The following TRIM29 variants were observed in gnomAD, a reference collection of about 807,000 sequenced individuals.
The protein encoded by TRIM29 is tripartite motif-containing protein 29.
TRIM29 carries 52 observed loss-of-function variants against 57.3 expected under a neutral mutation model. The observed-to-expected ratio is 0.91, with a 90% CI of 0.73 to 1.14. The LOEUF (loss-of-function observed/expected upper bound fraction) is 1.14, where lower values mean the gene tolerates loss of function less well. TRIM29 is among the 50% of genes most tolerant of loss of function. The pLI is 0.00. For missense variants in TRIM29, 753 were observed against 774.6 expected (o/e 0.97, Z 0.33); for synonymous variants, 319 against 316.9 (o/e 1.01, Z -0.07).
chr11:120,111,398 G>A lies in TRIM29; in HGVS notation c.*1016C>T, dbSNP rs1307057379. The stretch of plus-strand genomic sequence containing the variant: ...GCCCCCATAGGCCTGGGGCTGTTGA[G>A]ACGGGAGATGTCCCCACTGTGCTGC... On this transcript the variant is annotated 3_prime_UTR_variant, in exon 9 of 9. Coordinates refer to ENST00000341846, the MANE Select transcript of TRIM29 (RefSeq NM_012101.4). 6.6e-6 allele frequency: 1 copy of A among 152,364 alleles called. No homozygotes were observed. The highest frequency in any genetic ancestry group is 1.5e-5 in the Non-Finnish European group (1 of 68,078). The allele number at this position is 152,364 out of a possible 1,614,324, so 9.4% of individuals were successfully genotyped here. A position where few individuals can be genotyped will look rare whatever the true frequency, so the allele number is the denominator to read the frequency against.
At position 120,137,663 on chromosome 11, in the gene TRIM29, T is replaced by G; in HGVS notation, c.369A>C (p.Glu123Asp). The change falls in exon 1 of 9, where the codon GAA becomes GAC. Residue 123 changes from glutamate (E) to aspartate (D), a missense_variant. By Grantham distance (45) the Glu-to-Asp change is conservative. Coordinates refer to ENST00000341846, the MANE Select transcript of TRIM29 (RefSeq NM_012101.4). This position sits in a 1 kb window ranked among gnomAD's most constrained non-coding sequence, Gnocchi z 6.2. Reference protein sequence around the residue: ...AAKKPPVTFAEKGELRKSIFS... With the variant: ...AAKKPPVTFADKGELRKSIFS... The stretch of plus-strand genomic sequence containing the variant: ...AAATGGACTTGCGCAGCTCGCCCTT[T>G]TCGGCAAAGGTAACGGGTGGCTTCT... 6.2e-7 allele frequency: 1 copy of G among 1,613,688 alleles called. No homozygotes were observed. Among genetic ancestry groups the G allele is most frequent in the Non-Finnish European group, 8.5e-7 (1 of 1,179,988 alleles).
At position 120,137,223 on chromosome 11, in the gene TRIM29, C is replaced by T. The variant is rs774183937; in HGVS notation, c.804+5G>A. 10 of 1,613,742 alleles carry T rather than the reference C, an allele frequency of 6.2e-6. 1 individual carries two copies. In the South Asian group the frequency reaches 7.7e-5, roughly 12 times the overall value. On this transcript the variant is annotated splice_donor_5th_base_variant and intron_variant, in intron 1 of 8. Transcript: ENST00000341846. This position sits in a 1 kb window ranked among gnomAD's most constrained non-coding sequence, Gnocchi z 6.2. ...TGGAGGGGCAGGAGGGGCCCCAGCA[C>T]TTACCTCCTTCTCGGCCTTGGCCTC... is the stretch of plus-strand genomic sequence containing the variant.
intron 3 of TRIM29, 131 bp downstream of exon 3, chr11:120,127,205 G>T (rs1863609365): frequency 2.7e-6 from 2 of 739,640 alleles, no homozygotes; most frequent in Non-Finnish European, 4.4e-6. Context: ...TGGTTGGATG[G>T]CTGGATGGTG....
intron 3 of TRIM29, 100 bp downstream of exon 3, chr11:120,127,236 G>A: frequency 1.0e-6 from 1 of 987,956 alleles, no homozygotes; most frequent in Non-Finnish European, 1.5e-6. Context: ...TAGACGAATA[G>A]GTGGATAAGT....
chr11:120,115,447 C>T, intron 7 of TRIM29, 33 bp from the exon 8 acceptor site: 1 of 1,600,876 alleles, frequency 6.2e-7, no homozygotes, highest in African/African-American at 1.3e-5. Flanking sequence ...TCAAAGGGAG[C>T]AGCGCTGGTG....
chr11:120,130,150 GC>G, intron 1 of TRIM29, among the ~76,000 whole-genome samples: 1 of 152,136 alleles, frequency 6.6e-6, no homozygotes, highest in Non-Finnish European at 1.5e-5. Flanking sequence ...AGATCCCACA[GC>G]CCCAAAGGCC....
intron 6 of TRIM29, among the ~76,000 whole-genome samples, chr11:120,119,115 T>C (rs1863364076): frequency 6.6e-6 from 1 of 152,206 alleles, no homozygotes; most frequent in African/African-American, 2.4e-5. Context: ...AGTTGCCAAG[T>C]TGAATAGGCT....
intron 4 of TRIM29, chr11:120,123,346 T>C (rs148160606): frequency 6.3e-4 from 378 of 600,458 alleles, no homozygotes; most frequent in African/African-American, 4.5e-3. Context: ...TACAAGGTGC[T>C]ATTAATGCCC....
intron 6 of TRIM29, among the ~76,000 whole-genome samples, chr11:120,119,465 C>T (rs908882457): frequency 4.6e-5 from 7 of 152,196 alleles, no homozygotes; most frequent in African/African-American, 1.7e-4. Flanking sequence ...TCAGTAAGCA[C>T]GTCCAGCCAG....
At chr11:120,115,835 A>C in intron 7 of TRIM29, 1 of 211,288 alleles carries the variant, frequency 4.7e-6, no homozygotes, top group Non-Finnish European at 9.6e-6. Flanking sequence ...GCTCACTTGG[A>C]CTCCCCTGTG....
At chr11:120,117,046 T>G (rs1332499669) in intron 7 of TRIM29, 1 of 438,958 alleles carries the variant, frequency 2.3e-6, no homozygotes, top group Non-Finnish European at 4.6e-6. Context: ...TGATAAGGGG[T>G]TTTCCCAGTG....
chr11:120,125,804 T>G lies in TRIM29; in HGVS notation c.1220A>C (p.Gln407Pro), dbSNP rs1380954207. 1 of 1,614,042 alleles carries G rather than the reference T, an allele frequency of 6.2e-7. No homozygotes were observed. ...HVLLEGEGLG[Q>P]SLGNFKDDLL... ...GTCGTCCTTGAAGTTGCCTAGTGACTGTCCCAGGCCCTCCCCCTCCAGCAG... is the reference window on the plus strand; with the variant it reads ...GTCGTCCTTGAAGTTGCCTAGTGACGGTCCCAGGCCCTCCCCCTCCAGCAG... The change falls in exon 4 of 9, where the codon CAG becomes CCG. Residue 407 changes from glutamine (Q) to proline (P), a missense_variant. Physicochemically the swap from Gln to Pro is moderately conservative, Grantham distance 76. Transcript: ENST00000341846.
chr11:120,128,274 A>C, intron 2 of TRIM29, 126 bp downstream of exon 2: 1 of 732,854 alleles, frequency 1.4e-6, no homozygotes, highest in South Asian at 1.8e-5. Context: ...GAGGTGGGAG[A>C]AGCCAGAAGA....
intron 1 of TRIM29, among the ~76,000 whole-genome samples, chr11:120,130,607 G>T (rs1228433856): frequency 6.6e-6 from 1 of 152,230 alleles, no homozygotes; most frequent in Non-Finnish European, 1.5e-5. Flanking sequence ...ATGGGAGCAG[G>T]AAGAGGACCT....
At chr11:120,115,445 A>G in intron 7 of TRIM29, 31 bp from the exon 8 acceptor site, 1 of 1,604,328 alleles carries the variant, frequency 6.2e-7, no homozygotes, top group Non-Finnish European at 8.5e-7. Flanking sequence ...GGTCAAAGGG[A>G]GCAGCGCTGG....
Position 120,138,085 on chromosome 11 carries a change from C to T in TRIM29, c.-54G>A. On this transcript the variant is annotated 5_prime_UTR_variant, in exon 1 of 9. Transcript: ENST00000341846. Reference sequence around the variant, plus strand: ...GCTTGCTGGGGTTCAGGATAGGTGACCTTTCTGGCAGGCGTCTCGGCAGGG... The same window carrying T: ...GCTTGCTGGGGTTCAGGATAGGTGATCTTTCTGGCAGGCGTCTCGGCAGGG... The T allele has an allele frequency of 2.0e-6, 3 of 1,501,800 alleles. No homozygotes were observed. Among genetic ancestry groups the T allele is most frequent in the Non-Finnish European group, 2.7e-6 (3 of 1,131,700 alleles). 93.0% of individuals were successfully genotyped at this position (1,501,800 alleles called of 1,614,324 possible).
At chr11:120,114,646 G>A (rs569593984) in intron 8 of TRIM29, among the ~76,000 whole-genome samples, 1 of 152,296 alleles carries the variant, frequency 6.6e-6, no homozygotes, top group Admixed American at 6.5e-5. Context: ...CCCGATCACT[G>A]AGGTCTCAGT....
At chr11:120,120,490 G>T in intron 6 of TRIM29, 83 bp downstream of exon 6, 1 of 1,282,778 alleles carries the variant, frequency 7.8e-7, no homozygotes, top group Non-Finnish European at 1.1e-6. Flanking sequence ...CCAGCCCTGT[G>T]CCCCTGGACC....
chr11:120,113,532 C>A (rs938013782), intron 8 of TRIM29: 1 of 432,726 alleles, frequency 2.3e-6, no homozygotes, highest in Non-Finnish European at 4.7e-6. Flanking sequence ...CCCTCACACA[C>A]ACACCTCAAG....
Sources: gnomAD v4.1 joint callset for allele counts (sites outside exome capture counted in the v4.1 genomes callset) on GRCh38, gnomAD v4.1.1 for gene constraint, Gnocchi (gnomAD v3.1) non-coding constraint, MANE v1.5 for transcripts, NCBI Gene and HGNC (gene_info 2026-07-23, HGNC 2026-07-21) for gene names.